The following DUSP28 variants were observed in gnomAD, a reference collection of about 807,000 sequenced individuals.
DUSP28 encodes the protein dual specificity phosphatase 28.
A neutral mutation model predicts 8.4 loss-of-function variants in DUSP28; 11 were observed. The ratio of observed to expected loss-of-function variants is 1.31; its 90% confidence interval spans 0.83 to 2.17. DUSP28 has a LOEUF of 2.17. Among genes scored for constraint, DUSP28 ranks in the 30% most tolerant of loss-of-function variants. DUSP28 has a pLI of 0.00. For missense variants in DUSP28, 373 were observed against 270.4 expected, an observed-to-expected ratio of 1.38 and a Z score of -2.66; for synonymous variants, 178 against 130.9, an observed-to-expected ratio of 1.36 and a Z score of -2.46.
rs1338600974 is a variant in DUSP28 at position 240,560,898 on chromosome 2, G to A, written c.214G>A (p.Asp72Asn). The stretch of plus-strand genomic sequence containing the variant: ...GGCAGAGCTGCGCGTGCCCGTGTTC[G>A]ACGACCCGGCTGAGGACCTGCTGGC... ...GVAELRVPVF[D>N]DPAEDLLAHL... The change falls in exon 1 of 2, where the codon GAC becomes AAC. Residue 72 changes from aspartate to asparagine, a missense_variant. Physicochemically the swap from Asp to Asn is conservative, Grantham distance 23 (BLOSUM62 1). Coordinates refer to ENST00000405954, the MANE Select transcript of DUSP28 (RefSeq NM_001370465.2). The A allele has an allele frequency of 1.4e-5, 22 of 1,521,902 alleles. No individual in the cohort carries two copies. Among genetic ancestry groups the A allele is most frequent in the Non-Finnish European group, 1.7e-5 (19 of 1,148,484 alleles). 94.3% of individuals were successfully genotyped at this position (1,521,902 alleles called of 1,614,324 possible). A position where few individuals can be genotyped will look rare whatever the true frequency, so the allele number is the denominator to read the frequency against.
chr2:240,560,519 C>T lies in DUSP28; in HGVS notation c.-166C>T. ...GAGACCCAAGCCCCCTGTCCCGGCCCAGCGCCCGCGGGGGACCCAAGCCCC... is the reference window on the plus strand; with the variant it reads ...GAGACCCAAGCCCCCTGTCCCGGCCTAGCGCCCGCGGGGGACCCAAGCCCC... On this transcript the variant is annotated 5_prime_UTR_variant, in exon 1 of 2. Coordinates refer to ENST00000405954, the MANE Select transcript of DUSP28 (RefSeq NM_001370465.2). 9.1e-7 allele frequency: 1 copy of T among 1,098,152 alleles called. No homozygotes were observed. The highest frequency in any genetic ancestry group is 1.2e-6 in the Non-Finnish European group (1 of 847,696). The allele number at this position is 1,098,152 out of a possible 1,614,324, so 68.0% of individuals were successfully genotyped here.
Position 240,564,274 on chromosome 2 carries a change from C to A in DUSP28, c.*2807C>A, listed in dbSNP as rs2092995616. Reference sequence around the variant, plus strand: ...CTCCACCTCAGTGGCCCTGAAGTGGCCTGAAGGGCCCGCTCTGCGGTCCTG... The same window carrying A: ...CTCCACCTCAGTGGCCCTGAAGTGGACTGAAGGGCCCGCTCTGCGGTCCTG... On this transcript the variant is annotated 3_prime_UTR_variant, in exon 2 of 2. Transcript: ENST00000405954. Among the ~76,000 whole-genome samples the A allele has an allele frequency of 6.6e-6, 1 of 152,236 alleles. No homozygotes were observed.
chr2:240,561,780 T>G lies in DUSP28; in HGVS notation c.*313T>G. ...TACCAGTCTCAGGGAAGGACATGAG[T>G]ACAGACTACAGTAATCAGAATCTGA... On this transcript the variant is annotated 3_prime_UTR_variant, in exon 2 of 2. Transcript: ENST00000405954. 3.5e-6 allele frequency: 1 copy of G among 289,204 alleles called. No individual in the cohort carries two copies. The highest frequency in any genetic ancestry group is 6.5e-6 in the Non-Finnish European group (1 of 153,748). 17.9% of individuals were successfully genotyped at this position (289,204 alleles called of 1,614,324 possible).
Position 240,560,758 on chromosome 2 carries a change from C to A in DUSP28, c.74C>A (p.Ser25Ter). The A allele has an allele frequency of 1.3e-6, 2 of 1,491,292 alleles. No homozygotes were observed. The highest frequency in any genetic ancestry group is 2.0e-4 in the Middle Eastern group (1 of 5,018). 92.4% of individuals were successfully genotyped at this position (1,491,292 alleles called of 1,614,324 possible). A position where few individuals can be genotyped will look rare whatever the true frequency, so the allele number is the denominator to read the frequency against. The change falls in exon 1 of 2, where the codon TCA becomes TAA. Residue 25 changes from serine (S) to a stop codon, truncating the protein, a stop_gained. Coordinates refer to ENST00000405954, the MANE Select transcript of DUSP28 (RefSeq NM_001370465.2). LOFTEE classifies it high-confidence loss of function. ...CCACCGTTGGTGCGCGTCGCGCCCT[C>A]ACTCTTCCTCGGGAGCGCGCGAGCC... is the stretch of plus-strand genomic sequence containing the variant. ...VPPPLVRVAP[S>*]LFLGSARAAG...
In DUSP28 at chr2:240,560,885, C is replaced by A; in HGVS notation, c.201C>A (p.Arg67=). ...GPRAPGVAEL[R]VPVFDDPAED... is the part of the protein sequence containing the mutation. ...GCGCGCCCGGCGTGGCAGAGCTGCG[C>A]GTGCCCGTGTTCGACGACCCGGCTG... The change falls in exon 1 of 2, where the codon CGC becomes CGA. Residue 67 remains arginine (R), a synonymous_variant. Transcript: ENST00000405954. 1 of 1,508,674 alleles carries A rather than the reference C, an allele frequency of 6.6e-7. No individual in the cohort carries two copies. Among genetic ancestry groups the A allele is most frequent in the African/African-American group, 1.4e-5 (1 of 69,214 alleles). The allele number at this position is 1,508,674 out of a possible 1,614,324, so 93.5% of individuals were successfully genotyped here.
In DUSP28 at chr2:240,562,782, T is replaced by C. The variant is rs2092988237; in HGVS notation, c.*1315T>C. ...TCCCATTTTATCAGAAAATAGAAAT[T>C]TTACCTGCCCAAGTTCTTCACTGAG... is the stretch of plus-strand genomic sequence containing the variant. On this transcript the variant is annotated 3_prime_UTR_variant, in exon 2 of 2. Transcript: ENST00000405954. 1 of 152,256 alleles carries C rather than the reference T, an allele frequency of 6.6e-6. No homozygotes were observed. The highest frequency in any genetic ancestry group is 1.5e-5 in the Non-Finnish European group (1 of 68,024). 9.4% of individuals were successfully genotyped at this position (152,256 alleles called of 1,614,324 possible).
rs767410576 is a variant in DUSP28 at position 240,560,747 on chromosome 2, C to T, written c.63C>T (p.Arg21=). ...AASPVPPPLV[R]VAPSLFLGSA... ...CGCCCGTACCTCCACCGTTGGTGCG[C>T]GTCGCGCCCTCACTCTTCCTCGGGA... The change falls in exon 1 of 2, where the codon CGC becomes CGT. Residue 21 remains arginine, a synonymous_variant. Transcript: ENST00000405954. 3.4e-5 allele frequency: 51 copies of T among 1,509,202 alleles called. No individual in the cohort carries two copies. In the African/African-American group the frequency reaches 5.5e-4, roughly 16 times the overall value. 93.5% of individuals were successfully genotyped at this position (1,509,202 alleles called of 1,614,324 possible). A position where few individuals can be genotyped will look rare whatever the true frequency, so the allele number is the denominator to read the frequency against.
Position 240,560,714 on chromosome 2 carries a change from G to C in DUSP28, c.30G>C (p.Gly10=). The change falls in exon 1 of 2, where the codon GGG becomes GGC. Residue 10 remains glycine, a synonymous_variant. Coordinates refer to ENST00000405954, the MANE Select transcript of DUSP28 (RefSeq NM_001370465.2). MGPAEAGRR[G]AASPVPPPLV... ...GACCGGCAGAAGCTGGGCGCCGCGG[G>C]GCCGCCTCGCCCGTACCTCCACCGT... The C allele has an allele frequency of 2.0e-6, 3 of 1,527,428 alleles. No homozygotes were observed. Among genetic ancestry groups the C allele is most frequent in the South Asian group, 2.4e-5 (2 of 83,544 alleles). The allele number at this position is 1,527,428 out of a possible 1,614,324, so 94.6% of individuals were successfully genotyped here. A position where few individuals can be genotyped will look rare whatever the true frequency, so the allele number is the denominator to read the frequency against.
Position 240,564,826 on chromosome 2 carries a change from G to A in DUSP28, c.*3359G>A, listed in dbSNP as rs1266175862. The stretch of plus-strand genomic sequence containing the variant: ...ACATGGGAAGCCCCTCCTGTGACAG[G>A]CAGGGGAGAAGGAGGCTGTGCTGAC... On this transcript the variant is annotated 3_prime_UTR_variant, in exon 2 of 2. Coordinates refer to ENST00000405954, the MANE Select transcript of DUSP28 (RefSeq NM_001370465.2). Among the ~76,000 whole-genome samples the A allele has an allele frequency of 6.6e-6, 1 of 152,224 alleles. No homozygotes were observed. The highest frequency in any genetic ancestry group is 2.4e-5 in the African/African-American group (1 of 41,448).
In DUSP28 at chr2:240,564,494, C is replaced by T. The variant is rs77074580; in HGVS notation, c.*3027C>T. 6.6e-6 allele frequency among the ~76,000 whole-genome samples: 1 copy of T among 152,268 alleles called. No individual in the cohort carries two copies. The highest frequency in any genetic ancestry group is 1.5e-5 in the Non-Finnish European group (1 of 68,052). On this transcript the variant is annotated 3_prime_UTR_variant, in exon 2 of 2. Coordinates refer to ENST00000405954, the MANE Select transcript of DUSP28 (RefSeq NM_001370465.2). ...ACATGGACCCCTGCACCACCATCTG[C>T]TCCGTCCTCTCCCTCTGGTCAGCTC... is the stretch of plus-strand genomic sequence containing the variant.
In DUSP28 at chr2:240,561,076, A is replaced by G. The variant is rs751867093; in HGVS notation, c.392A>G (p.Gln131Arg). 8.8e-6 allele frequency: 13 copies of G among 1,484,124 alleles called. No individual in the cohort carries two copies. The highest frequency in any genetic ancestry group is 2.4e-4 in the Middle Eastern group (1 of 4,134). The allele number at this position is 1,484,124 out of a possible 1,614,324, so 91.9% of individuals were successfully genotyped here. ...GGCCTCAGCCTGGCGAAGGCCTTCC[A>G]GGTGGGCGGGCCTTTAGGGGGGCGG... ...HRGLSLAKAF[Q>R]MVKSARPVAE... Residue 131 changes from glutamine (Q) to arginine (R), a missense_variant and splice_region_variant, in exon 1 of 2, where the codon CAG becomes CGG. By Grantham distance (43) the Gln-to-Arg change is conservative (BLOSUM62 1). Coordinates refer to ENST00000405954, the MANE Select transcript of DUSP28 (RefSeq NM_001370465.2).
rs769859791 is a variant in DUSP28 at position 240,564,175 on chromosome 2, CTG to C, written c.*2709_*2710del. The stretch of plus-strand genomic sequence containing the variant: ...TCAGTAGTAATAACAGCAATCAAAA[CTG>C]AAACTGCTCCAGATGCCTGTCTAGG... On this transcript the variant is annotated 3_prime_UTR_variant, in exon 2 of 2. Coordinates refer to ENST00000405954, the MANE Select transcript of DUSP28 (RefSeq NM_001370465.2). Among the ~76,000 whole-genome samples, 2 of 152,224 alleles carry C rather than the reference CTG, an allele frequency of 1.3e-5. No individual in the cohort carries two copies. The highest frequency in any genetic ancestry group is 2.9e-5 in the Non-Finnish European group (2 of 68,040).
At position 240,562,085 on chromosome 2, in the gene DUSP28, C is replaced by A. The variant is rs536146450; in HGVS notation, c.*618C>A. Reference sequence around the variant, plus strand: ...GGACATCCTTTTTCTTTCTCTCTTTCTTTTTTTTTGTTTGTTTGTTTGAGA... The same window carrying A: ...GGACATCCTTTTTCTTTCTCTCTTTATTTTTTTTTGTTTGTTTGTTTGAGA... On this transcript the variant is annotated 3_prime_UTR_variant, in exon 2 of 2. Coordinates refer to ENST00000405954, the MANE Select transcript of DUSP28 (RefSeq NM_001370465.2). 2.0e-5 allele frequency: 3 copies of A among 151,260 alleles called. No homozygotes were observed. The highest frequency in any genetic ancestry group is 4.4e-5 in the Non-Finnish European group (3 of 67,764). The allele number at this position is 151,260 out of a possible 1,614,324, so 9.4% of individuals were successfully genotyped here.
Position 240,561,705 on chromosome 2 carries a change from C to G in DUSP28, c.*238C>G. On this transcript the variant is annotated 3_prime_UTR_variant, in exon 2 of 2. Coordinates refer to ENST00000405954, the MANE Select transcript of DUSP28 (RefSeq NM_001370465.2). The stretch of plus-strand genomic sequence containing the variant: ...TTAAGAAAAAGCAAATAGGGATCCT[C>G]CATTATTTACACTCCAGAATCTTGA... 2 of 543,686 alleles carry G rather than the reference C, an allele frequency of 3.7e-6. No homozygotes were observed. The highest frequency in any genetic ancestry group is 6.1e-6 in the Non-Finnish European group (2 of 325,458). The allele number at this position is 543,686 out of a possible 1,614,324, so 33.7% of individuals were successfully genotyped here. A position where few individuals can be genotyped will look rare whatever the true frequency, so the allele number is the denominator to read the frequency against.
rs994297175 is a variant in DUSP28, at chr2:240,563,755, T to C, written c.*2288T>C. The C allele has an allele frequency of 2.0e-5, 3 of 152,556 alleles. No homozygotes were observed. Among genetic ancestry groups the C allele is most frequent in the Non-Finnish European group, 4.4e-5 (3 of 68,040 alleles). The allele number at this position is 152,556 out of a possible 1,614,324, so 9.5% of individuals were successfully genotyped here. A position where few individuals can be genotyped will look rare whatever the true frequency, so the allele number is the denominator to read the frequency against. On this transcript the variant is annotated 3_prime_UTR_variant, in exon 2 of 2. Coordinates refer to ENST00000405954, the MANE Select transcript of DUSP28 (RefSeq NM_001370465.2). Reference sequence around the variant, plus strand: ...TTGCTATATGAACACATCGGGACTGTGTCTGCAGGAAGGAGCTCCCCATTC... The same window carrying C: ...TTGCTATATGAACACATCGGGACTGCGTCTGCAGGAAGGAGCTCCCCATTC...
chr2:240,561,026 C>A lies in DUSP28; in HGVS notation c.342C>A (p.Cys114Ter). 6.5e-7 allele frequency: 1 copy of A among 1,532,666 alleles called. No homozygotes were observed. Among genetic ancestry groups the A allele is most frequent in the Non-Finnish European group, 8.7e-7 (1 of 1,151,040 alleles). The allele number at this position is 1,532,666 out of a possible 1,614,324, so 94.9% of individuals were successfully genotyped here. A position where few individuals can be genotyped will look rare whatever the true frequency, so the allele number is the denominator to read the frequency against. The part of the protein sequence containing the change: ...KNGRSRSAAV[C>*]TAYLMRHRGL... ...GCCGCAGCCGCTCGGCCGCCGTCTG[C>A]ACCGCGTACCTCATGCGGCACCGCG... The change falls in exon 1 of 2, where the codon TGC becomes TGA. Residue 114 changes from cysteine (C) to a stop codon, truncating the protein, a stop_gained. Coordinates refer to ENST00000405954, the MANE Select transcript of DUSP28 (RefSeq NM_001370465.2). LOFTEE classifies it high-confidence loss of function.
Position 240,561,060 on chromosome 2 carries a change from C to G in DUSP28, c.376C>G (p.Leu126Val). The change falls in exon 1 of 2, where the codon CTG (leucine) becomes GTG (valine). Residue 126 changes from leucine to valine, a missense_variant. Coordinates refer to ENST00000405954, the MANE Select transcript of DUSP28 (RefSeq NM_001370465.2). Reference protein sequence around the residue: ...AYLMRHRGLSLAKAFQMVKSA... With the variant: ...AYLMRHRGLSVAKAFQMVKSA... ...CCTCATGCGGCACCGCGGCCTCAGC[C>G]TGGCGAAGGCCTTCCAGGTGGGCGG... The G allele has an allele frequency of 6.7e-7, 1 of 1,493,166 alleles. No individual in the cohort carries two copies. Among genetic ancestry groups the G allele is most frequent in the South Asian group, 1.3e-5 (1 of 77,462 alleles). The allele number at this position is 1,493,166 out of a possible 1,614,324, so 92.5% of individuals were successfully genotyped here.
Position 240,560,879 on chromosome 2 carries a change from G to A in DUSP28, c.195G>A (p.Glu65=). ...QPGPRAPGVA[E]LRVPVFDDPA... is the part of the protein sequence containing the mutation. ...GCCCGCGCGCGCCCGGCGTGGCAGA[G>A]CTGCGCGTGCCCGTGTTCGACGACC... is the stretch of plus-strand genomic sequence containing the variant. Residue 65 remains glutamate (E), a synonymous_variant, in exon 1 of 2, where the codon GAG becomes GAA. Transcript: ENST00000405954. 1.4e-6 allele frequency: 2 copies of A among 1,442,358 alleles called. No individual in the cohort carries two copies. The highest frequency in any genetic ancestry group is 1.8e-6 in the Non-Finnish European group (2 of 1,090,548). The allele number at this position is 1,442,358 out of a possible 1,614,324, so 89.3% of individuals were successfully genotyped here.
rs1559410471 is a variant in DUSP28, at chr2:240,561,584, C to T, written c.*117C>T. 7.8e-7 allele frequency: 1 copy of T among 1,282,338 alleles called. No individual in the cohort carries two copies. The highest frequency in any genetic ancestry group is 1.0e-6 in the Non-Finnish European group (1 of 973,244). The allele number at this position is 1,282,338 out of a possible 1,614,324, so 79.4% of individuals were successfully genotyped here. ...TTCCTTTGTGTGTGTGTGTGTGAAACATAGTGCTTTTAATTTTATATTTCC... is the reference window on the plus strand; with the variant it reads ...TTCCTTTGTGTGTGTGTGTGTGAAATATAGTGCTTTTAATTTTATATTTCC... On this transcript the variant is annotated 3_prime_UTR_variant, in exon 2 of 2. Transcript: ENST00000405954.
Sources: allele counts gnomAD v4.1 joint callset (sites outside exome capture counted in the v4.1 genomes callset), GRCh38; gene constraint gnomAD v4.1.1; transcripts MANE v1.5; gene names NCBI Gene and HGNC (gene_info 2026-07-23, HGNC 2026-07-21).